Variants in ABCC1 observed in about 807,000 individuals in gnomAD.
The protein encoded by ABCC1 is multidrug resistance-associated protein 1.
ABCC1 carries 83 observed loss-of-function variants against 172.9 expected under a neutral mutation model. The observed-to-expected ratio is 0.48, with a 90% CI of 0.40 to 0.58. The LOEUF is 0.58. ABCC1 is among the 20% of genes least tolerant of loss of function. The pLI is 0.00. For missense variants in ABCC1, 1,817 were observed against 2,002.7 expected, an observed-to-expected ratio of 0.91 and a Z score of 1.77; for synonymous variants, 937 against 825.2, an observed-to-expected ratio of 1.14 and a Z score of -2.32.
chr16:16,092,777 G>A (rs1344474628), intron 19 of ABCC1, among the ~76,000 whole-genome samples: 1 of 152,196 alleles, frequency 6.6e-6, no homozygotes, highest in Admixed American at 6.5e-5. Flanking sequence ...ATCACTTGAG[G>A]TTAGGAGTTC....
rs942550344 is a variant in ABCC1 at position 16,143,020 on chromosome 16, G to A, written c.*1739G>A. 4 of 151,896 alleles carry A rather than the reference G, an allele frequency of 2.6e-5. No homozygotes were observed. The highest frequency in any genetic ancestry group is 7.3e-5 in the African/African-American group (3 of 41,166). 9.4% of individuals were successfully genotyped at this position (151,896 alleles called of 1,614,324 possible). ...TTGTAATGACTTACACTGGAAATGC[G>A]AACATTTGCAGTAAAAAAATATATA... On this transcript the variant is annotated 3_prime_UTR_variant, in exon 31 of 31. Transcript: ENST00000399410.
At chr16:16,028,901 G>C (rs960510842) in intron 5 of ABCC1, among the ~76,000 whole-genome samples, 1 of 152,132 alleles carries the variant, frequency 6.6e-6, no homozygotes, top group African/African-American at 2.4e-5. Flanking sequence ...ATCTGAACTC[G>C]GCTTCAGTTG....
chr16:16,011,300 G>A (rs1361240445), intron 3 of ABCC1, among the ~76,000 whole-genome samples: 1 of 151,972 alleles, frequency 6.6e-6, no homozygotes, highest in African/African-American at 2.4e-5. Context: ...AGGGTGAACA[G>A]TGTGTCCAGG....
At chr16:16,113,947 C>T (rs2152092423) in intron 22 of ABCC1, among the ~76,000 whole-genome samples, 1 of 152,306 alleles carries the variant, frequency 6.6e-6, no homozygotes, top group Non-Finnish European at 1.5e-5. Flanking sequence ...TCTAATGCCA[C>T]CACTGAGCTC....
intron 26 of ABCC1, among the ~76,000 whole-genome samples, chr16:16,131,032 A>T (rs906946167): frequency 1.3e-5 from 2 of 152,130 alleles, no homozygotes; most frequent in Non-Finnish European, 2.9e-5. Flanking sequence ...GAGGCAGGAG[A>T]GTCGCTTGAA....
chr16:16,102,869 A>G, intron 20 of ABCC1, 152 bp downstream of exon 20: 1 of 713,854 alleles, frequency 1.4e-6, no homozygotes, highest in Non-Finnish European at 2.3e-6. Flanking sequence ...CTTGCTTTTC[A>G]GAGTACAGAG....
At chr16:16,055,394 A>G (rs1287959449) in intron 11 of ABCC1, among the ~76,000 whole-genome samples, 3 of 152,038 alleles carry the variant, frequency 2.0e-5, no homozygotes, top group African/African-American at 7.2e-5. Context: ...TACTAAAAAT[A>G]GAAAAATTAG....
chr16:15,993,494 C>T (rs1165665590), intron 1 of ABCC1, among the ~76,000 whole-genome samples: 1 of 152,106 alleles, frequency 6.6e-6, no homozygotes, highest in African/African-American at 2.4e-5. Flanking sequence ...TTGGCAATGT[C>T]TAGAGACAGT....
Position 16,079,371 on chromosome 16 carries a change from G to A in ABCC1, c.2008G>A (p.Glu670Lys), listed in dbSNP as rs976766220. ...TTTCAGCATCACCTTCTCCATCCCC[G>A]AAGGTGCTTTGGTGGCCGTGGTGGG... ...TLNGITFSIP[E>K]GALVAVVGQV... Residue 670 changes from glutamate to lysine, a missense_variant, in exon 16 of 31, where the codon GAA becomes AAA. Glu to Lys is a moderately conservative substitution (Grantham distance 56, BLOSUM62 1). Around this residue, in one of 3 missense-constraint regions of ABCC1, gnomAD observed 1,412 missense variants for 1,600.3 expected, o/e 0.88. Coordinates refer to ENST00000399410, the MANE Select transcript of ABCC1 (RefSeq NM_004996.4). 15 of 1,613,902 alleles carry A rather than the reference G, an allele frequency of 9.3e-6. No individual in the cohort carries two copies. The highest frequency in any genetic ancestry group is 2.7e-5 in the African/African-American group (2 of 74,926).
intron 24 of ABCC1, 41 bp downstream of exon 24, chr16:16,122,215 C>T: frequency 1.3e-6 from 2 of 1,599,760 alleles, no homozygotes; most frequent in Non-Finnish European, 8.6e-7. Flanking sequence ...GAGGAGGCCG[C>T]CTTAGCACCT....
In ABCC1 at chr16:16,071,652, C is replaced by T; in HGVS notation, c.1835C>T (p.Ser612Phe). 1.9e-6 allele frequency: 3 copies of T among 1,613,892 alleles called. No individual in the cohort carries two copies. Among genetic ancestry groups the T allele is most frequent in the Non-Finnish European group, 2.5e-6 (3 of 1,179,884 alleles). ...TTGCTCTCTGTACAGGCGAGTGTCT[C>T]CCTCAAACGCCTGAGGATCTTTCTC... The part of the protein sequence containing the change: ...VISSIVQASV[S>F]LKRLRIFLSH... Residue 612 changes from serine (S) to phenylalanine (F), a missense_variant, in exon 14 of 31, where the codon TCC becomes TTC. By Grantham distance (155) the Ser-to-Phe change is radical. Around this residue, in one of 3 missense-constraint regions of ABCC1, gnomAD observed 1,412 missense variants for 1,600.3 expected, o/e 0.88. Transcript: ENST00000399410.
chr16:16,046,351 T>C (rs1457791243), intron 9 of ABCC1, among the ~76,000 whole-genome samples: 1 of 152,078 alleles, frequency 6.6e-6, no homozygotes, highest in Non-Finnish European at 1.5e-5. Context: ...ACTCTTTTTT[T>C]TTCGTTTTTT....
intron 1 of ABCC1, among the ~76,000 whole-genome samples, chr16:15,977,475 A>T (rs2046520479): frequency 1.3e-5 from 2 of 151,994 alleles, no homozygotes; most frequent in Non-Finnish European, 2.9e-5. Flanking sequence ...GACCCAAGTG[A>T]TCCTCCTGCC....
At position 16,007,967 on chromosome 16, in the gene ABCC1, T is replaced by A; in HGVS notation, c.200T>A (p.Met67Lys). The part of the protein sequence containing the change: ...LSRHDRGYIQ[M>K]TPLNKTKTAL... ...CGACATGACCGAGGCTACATTCAGA[T>A]GACACCTCTCAACAAAACCAAAACT... The change falls in exon 2 of 31, where the codon ATG becomes AAG. Residue 67 changes from methionine (M) to lysine (K), a missense_variant. Met to Lys is a moderately conservative substitution (Grantham distance 95). Coordinates refer to ENST00000399410, the MANE Select transcript of ABCC1 (RefSeq NM_004996.4). 2.9e-6 allele frequency: 4 copies of A among 1,388,476 alleles called. No homozygotes were observed. Among genetic ancestry groups the A allele is most frequent in the Non-Finnish European group, 3.8e-6 (4 of 1,042,474 alleles). 86.0% of individuals were successfully genotyped at this position (1,388,476 alleles called of 1,614,324 possible). A position where few individuals can be genotyped will look rare whatever the true frequency, so the allele number is the denominator to read the frequency against.
intron 19 of ABCC1, among the ~76,000 whole-genome samples, chr16:16,099,082 C>T (rs1050829806): frequency 6.6e-6 from 1 of 152,198 alleles, no homozygotes; most frequent in Admixed American, 6.5e-5. Context: ...GGCTTTGAGG[C>T]TGGCACTGGG....
In ABCC1 at chr16:16,110,662, C is replaced by T. The variant is rs141114174; in HGVS notation, c.2872-713C>T. Among the ~76,000 whole-genome samples the T allele has an allele frequency of 3.9e-5, 6 of 152,154 alleles. No homozygotes were observed. The East Asian group carries it at 1.2e-3, about 30-fold the overall frequency. ...CCTCGGCCTACCGACGTGCTGGGATCACAGGCATGAGCCACTGCACCCAGC... is the reference window on the plus strand; with the variant it reads ...CCTCGGCCTACCGACGTGCTGGGATTACAGGCATGAGCCACTGCACCCAGC... On this transcript the variant is annotated intron_variant, in intron 21 of 30. Coordinates refer to ENST00000399410, the MANE Select transcript of ABCC1 (RefSeq NM_004996.4).
rs753999875 is a variant in ABCC1 at position 16,090,517 on chromosome 16, G to C, written c.2573G>C (p.Arg858Pro). 18 of 1,613,694 alleles carry C rather than the reference G, an allele frequency of 1.1e-5. No individual in the cohort carries two copies. Among genetic ancestry groups the C allele is most frequent in the East Asian group, 4.5e-5 (2 of 44,878 alleles). ...GGCTCCTACCAGGAGCTGCTGGCTC[G>C]AGACGGCGCCTTCGCTGAGTTCCTG... is the stretch of plus-strand genomic sequence containing the variant. ...EMGSYQELLA[R>P]DGAFAEFLRT... The change falls in exon 19 of 31, where the codon CGA becomes CCA. Residue 858 changes from arginine (R) to proline (P), a missense_variant. Physicochemically the swap from Arg to Pro is moderately radical, Grantham distance 103 (BLOSUM62 -2). This residue lies in a region of ABCC1 where 1,412 missense variants were observed against 1,600.3 expected (regional missense o/e 0.88). Transcript: ENST00000399410.
intron 1 of ABCC1, among the ~76,000 whole-genome samples, chr16:15,969,367 CTTTTTTT>C (rs57250944): frequency 7.6e-6 from 1 of 131,608 alleles, no homozygotes; most frequent in African/African-American, 2.9e-5. Flanking sequence ...GCTGGTCAGT[CTTTTTTT>C]TTTTTTTTTT....
chr16:16,017,798 G>A (rs898142152), intron 5 of ABCC1, among the ~76,000 whole-genome samples: 2 of 152,094 alleles, frequency 1.3e-5, no homozygotes, highest in East Asian at 3.9e-4. Flanking sequence ...GGGAAGGCCT[G>A]CCCAGAAAAC....
Sources: allele counts gnomAD v4.1 joint callset (sites outside exome capture counted in the v4.1 genomes callset), GRCh38; gene constraint gnomAD v4.1.1; regional missense constraint gnomAD v4.1.1; transcripts MANE v1.5; gene names NCBI Gene and HGNC (gene_info 2026-07-23, HGNC 2026-07-21).